Variants in LOXL2 observed in about 807,000 individuals in gnomAD.
The protein encoded by LOXL2 is lysyl oxidase homolog 2.
A neutral mutation model predicts 93.0 loss-of-function variants in LOXL2; 70 were observed. The observed-to-expected ratio is 0.75, with a 90% CI of 0.62 to 0.92. The LOEUF is 0.92. Among genes scored for constraint, LOXL2 ranks in the 40% least tolerant of loss-of-function variants. The pLI, the probability that LOXL2 is intolerant of heterozygous loss-of-function variation, is 0.00. For missense variants in LOXL2, 973 were observed against 1,054.9 expected (o/e 0.92, Z 1.08); for synonymous variants, 438 against 413.2 (o/e 1.06, Z -0.73).
intron 10 of LOXL2, among the ~76,000 whole-genome samples, chr8:23,304,590 A>C (rs1238973086): frequency 6.6e-6 from 1 of 152,172 alleles, no homozygotes; most frequent in Non-Finnish European, 1.5e-5. Flanking sequence ...CCTCTTCGGC[A>C]AAGAGGGGAG....
Position 23,298,960 on chromosome 8 carries a change from A to G in LOXL2, c.2134-13T>C, listed in dbSNP as rs777793958. 2.0e-6 allele frequency: 3 copies of G among 1,488,308 alleles called. No individual in the cohort carries two copies. The highest frequency in any genetic ancestry group is 2.8e-6 in the Non-Finnish European group (3 of 1,065,672). The allele number at this position is 1,488,308 out of a possible 1,614,324, so 92.2% of individuals were successfully genotyped here. On this transcript the variant is annotated splice_polypyrimidine_tract_variant and intron_variant, in intron 12 of 13. Transcript: ENST00000389131. ...GGTTAATAACAACCTAGGGAGAAGC[A>G]GGGCAGAGGAGGCTGCTTGTTCCCT...
chr8:23,386,365 C>G (rs1301242302), intron 1 of LOXL2, among the ~76,000 whole-genome samples: 2 of 152,172 alleles, frequency 1.3e-5, no homozygotes, highest in Admixed American at 6.5e-5. Context: ...TGCACTACAG[C>G]CTGGGCGACA....
rs1323884602 is a variant in LOXL2, at chr8:23,319,752, CT to C, written c.1470+132del. On this transcript the variant is annotated intron_variant, in intron 8 of 13. Coordinates refer to ENST00000389131, the MANE Select transcript of LOXL2 (RefSeq NM_002318.3). ...GTGGCCAGAGCGAGGCTCCCTGCCTCTGGGTCCAGGGCAACTTGCTCTGTCC... is the reference window on the plus strand; with the variant it reads ...GTGGCCAGAGCGAGGCTCCCTGCCTCGGGTCCAGGGCAACTTGCTCTGTCC... The C allele has an allele frequency of 1.1e-5, 11 of 1,000,222 alleles. No homozygotes were observed. The East Asian group carries it at 2.7e-4, about 25-fold the overall frequency. The allele number at this position is 1,000,222 out of a possible 1,614,324, so 62.0% of individuals were successfully genotyped here.
intron 10 of LOXL2, among the ~76,000 whole-genome samples, chr8:23,304,102 G>A (rs1007160679): frequency 2.0e-5 from 3 of 152,194 alleles, no homozygotes; most frequent in African/African-American, 7.2e-5. Flanking sequence ...CTGGGAGGGA[G>A]ACACTGACTC....
intron 12 of LOXL2, among the ~76,000 whole-genome samples, chr8:23,301,494 A>T (rs1388861022): frequency 6.6e-6 from 1 of 152,236 alleles, no homozygotes; most frequent in Non-Finnish European, 1.5e-5. Context: ...TTATTCTTAT[A>T]GATTCACTTT....
intron 1 of LOXL2, among the ~76,000 whole-genome samples, chr8:23,394,505 T>A (rs1800062826): frequency 6.6e-6 from 1 of 151,538 alleles, no homozygotes; most frequent in South Asian, 2.1e-4. Context: ...CATAAAAAGG[T>A]GTGATACATC....
At chr8:23,376,288 C>T (rs1585377672) in intron 1 of LOXL2, among the ~76,000 whole-genome samples, 1 of 151,266 alleles carries the variant, frequency 6.6e-6, no homozygotes, top group Non-Finnish European at 1.5e-5. Flanking sequence ...AGGGATGAAG[C>T]CCACTTGATC....
At chr8:23,303,081 G>A (rs1803166717) in intron 11 of LOXL2, among the ~76,000 whole-genome samples, 1 of 152,058 alleles carries the variant, frequency 6.6e-6, no homozygotes. Flanking sequence ...CAGCTCTGGG[G>A]AATCCGGGTG....
intron 1 of LOXL2, among the ~76,000 whole-genome samples, chr8:23,385,413 A>AC (rs1804744773): frequency 7.3e-6 from 1 of 136,310 alleles, no homozygotes; most frequent in Non-Finnish European, 1.6e-5. Flanking sequence ...CACCCAGCTA[A>AC]TTTTTTTTTT....
intron 12 of LOXL2, among the ~76,000 whole-genome samples, chr8:23,301,751 CT>C (rs1803135427): frequency 6.6e-6 from 1 of 152,188 alleles, no homozygotes; most frequent in Admixed American, 6.5e-5. Flanking sequence ...CAAATCTAGC[CT>C]GCTGATGAGT....
chr8:23,373,126 C>T (rs1185289018), intron 1 of LOXL2, among the ~76,000 whole-genome samples: 1 of 152,160 alleles, frequency 6.6e-6, no homozygotes, highest in Non-Finnish European at 1.5e-5. Flanking sequence ...TCATGCATCT[C>T]CATCCAGCTC....
At chr8:23,314,073 C>T (rs1389957984) in intron 9 of LOXL2, among the ~76,000 whole-genome samples, 1 of 151,380 alleles carries the variant, frequency 6.6e-6, no homozygotes, top group African/African-American at 2.4e-5. Flanking sequence ...CAGAGAAATG[C>T]AAATCAAAAC....
chr8:23,352,476 T>A (rs551218671), intron 3 of LOXL2, among the ~76,000 whole-genome samples: 1 of 152,256 alleles, frequency 6.6e-6, no homozygotes, highest in Admixed American at 6.5e-5. Context: ...AAGGATGAGA[T>A]TCCTGGCTGG....
intron 1 of LOXL2, among the ~76,000 whole-genome samples, chr8:23,372,105 G>A (rs947050641): frequency 2.6e-5 from 4 of 152,066 alleles, no homozygotes; most frequent in African/African-American, 9.7e-5. Flanking sequence ...ATATTAGATG[G>A]TGGGTTTAAA....
intron 1 of LOXL2, among the ~76,000 whole-genome samples, chr8:23,372,307 T>C (rs1365895423): frequency 6.6e-6 from 1 of 151,548 alleles, no homozygotes; most frequent in Admixed American, 6.6e-5. Flanking sequence ...AACCACTGCC[T>C]CCTGGGTTCA....
Position 23,346,150 on chromosome 8 carries a change from AT to A in LOXL2, c.532-4948del, listed in dbSNP as rs369726874. Among the ~76,000 whole-genome samples, 288 of 93,500 alleles carry A rather than the reference AT, an allele frequency of 3.1e-3. 1 individual carries two copies. The highest frequency in any genetic ancestry group is 6.4e-3 in the African/African-American group (176 of 27,528). The allele number at this position is 93,500 out of a possible 152,430, so 61.3% of individuals were successfully genotyped here. ...AATAAAATAAAATAAAATAAATAAA[AT>A]AAAATAAAAAATAAAATAAAATAAA... On this transcript the variant is annotated intron_variant, in intron 3 of 13. Transcript: ENST00000389131.
At position 23,368,219 on chromosome 8, in the gene LOXL2, G is replaced by A. The variant is rs142252012; in HGVS notation, c.133C>T (p.His45Tyr). 294 of 1,614,034 alleles carry A rather than the reference G, an allele frequency of 1.8e-4. 3 individuals are homozygous for A. The East Asian group carries it at 6.0e-3, about 33-fold the overall frequency. Residue 45 changes from histidine (H) to tyrosine (Y), a missense_variant, in exon 2 of 14, where the codon CAC becomes TAC. Physicochemically the swap from His to Tyr is moderately conservative, Grantham distance 83. Coordinates refer to ENST00000389131, the MANE Select transcript of LOXL2 (RefSeq NM_002318.3). ...ACGTTGGCGGGGGCCTGGGGCTGGT[G>A]ATACTCAGGAGCCGGTTGCTGGAAG... ...EYFQQPAPEY[H>Y]QPQAPANVAK...
At chr8:23,310,185 G>A (rs1009773317) in intron 9 of LOXL2, among the ~76,000 whole-genome samples, 1 of 152,244 alleles carries the variant, frequency 6.6e-6, no homozygotes, top group East Asian at 1.9e-4. Flanking sequence ...GCGAAGCACA[G>A]ATCATGGTAC....
chr8:23,387,248 C>T (rs1219244853), intron 1 of LOXL2, among the ~76,000 whole-genome samples: 2 of 152,206 alleles, frequency 1.3e-5, no homozygotes, highest in Non-Finnish European at 2.9e-5. Flanking sequence ...TTCAAGGTTA[C>T]AACATTCACA....
Sources: gnomAD v4.1 joint callset for allele counts (sites outside exome capture counted in the v4.1 genomes callset) on GRCh38, gnomAD v4.1.1 for gene constraint, MANE v1.5 for transcripts, NCBI Gene and HGNC (gene_info 2026-07-23, HGNC 2026-07-21) for gene names.